The following CASTOR2 variants were observed in gnomAD, a reference collection of about 807,000 sequenced individuals.
The protein encoded by CASTOR2 is GATS protein like 2.
In CASTOR2, 8 loss-of-function variants were observed where a neutral mutation model predicts 31.2. The ratio of observed to expected loss-of-function variants is 0.26; its 90% CI spans 0.15 to 0.46. CASTOR2 has a LOEUF of 0.46. Among genes scored for constraint, CASTOR2 ranks in the 20% least tolerant of loss-of-function variants. CASTOR2 has a pLI of 0.99. For missense variants in CASTOR2, 216 were observed against 382.1 expected (o/e 0.57, Z 3.62); for synonymous variants, 162 against 158.7 (o/e 1.02, Z -0.16).
intron 1 of CASTOR2, 106 bp from the exon 2 acceptor site, chr7:75,007,888 G>A (rs1230105381): frequency 3.6e-5 from 56 of 1,551,464 alleles, no homozygotes; most frequent in Middle Eastern, 1.7e-4. Context: ...GCCTGGGGCC[G>A]GAACTCTGGG....
chr7:75,017,447 C>G, intron 2 of CASTOR2, 151 bp from the exon 3 acceptor site: 2 of 820,468 alleles, frequency 2.4e-6, no homozygotes, highest in African/African-American at 1.8e-5. Flanking sequence ...AAGACTGTCT[C>G]AAAAAAAAAA....
Position 75,025,797 on chromosome 7 carries a change from A to T in CASTOR2, c.*1098A>T, listed in dbSNP as rs1375331429. Among the ~76,000 whole-genome samples the T allele has an allele frequency of 3.3e-5, 5 of 152,178 alleles. No individual in the cohort carries two copies. The highest frequency in any genetic ancestry group is 1.3e-4 in the Admixed American group (2 of 15,280). ...TGGCGGTAGTTTCTGTTTGGCAGGG[A>T]TAGGACCTGTTTGAGTTCTGTCAAG... On this transcript the variant is annotated 3_prime_UTR_variant, in exon 9 of 9. Coordinates refer to ENST00000616305, the MANE Select transcript of CASTOR2 (RefSeq NM_001145064.3).
chr7:75,023,471 T>C (rs1248636760), intron 7 of CASTOR2, among the ~76,000 whole-genome samples: 1 of 26,516 alleles, frequency 3.8e-5, no homozygotes, highest in African/African-American at 1.1e-4. Context: ...TTTCTTTTTG[T>C]TTTTTGTTTT....
At position 75,026,756 on chromosome 7, in the gene CASTOR2, G is replaced by C. The variant is rs1284453457; in HGVS notation, c.*2057G>C. ...AAGGGAGGTGGCCAAGTGGGGCAGGGCTGTGGTGGAAGCCCTGAGTCCCCT... is the reference window on the plus strand; with the variant it reads ...AAGGGAGGTGGCCAAGTGGGGCAGGCCTGTGGTGGAAGCCCTGAGTCCCCT... On this transcript the variant is annotated 3_prime_UTR_variant, in exon 9 of 9. Transcript: ENST00000616305. Among the ~76,000 whole-genome samples the C allele has an allele frequency of 6.6e-6, 1 of 152,108 alleles. No individual in the cohort carries two copies. The highest frequency in any genetic ancestry group is 2.4e-5 in the African/African-American group (1 of 41,418).
At chr7:74,996,451 G>A (rs1341495540) in intron 1 of CASTOR2, among the ~76,000 whole-genome samples, 1 of 152,010 alleles carries the variant, frequency 6.6e-6, no homozygotes, top group African/African-American at 2.4e-5. Context: ...AATTCATAGT[G>A]TCAGGGCAGG....
chr7:75,014,771 C>A (rs1200242041), intron 2 of CASTOR2, among the ~76,000 whole-genome samples: 2 of 152,172 alleles, frequency 1.3e-5, no homozygotes, highest in African/African-American at 4.8e-5. Context: ...TGGTCTCAGG[C>A]CTGGGCTTCT....
rs1805186185 is a variant in CASTOR2, at chr7:75,028,024, G to A, written c.*3325G>A. 2.4e-5 allele frequency: 37 copies of A among 1,534,940 alleles called. No homozygotes were observed. The highest frequency in any genetic ancestry group is 1.8e-4 in the South Asian group (15 of 84,014). ...CTTACCTGTTTGCCGTCCATCCCCC[G>A]GAGGTAATCAGAGGAGTGGGCCTGT... On this transcript the variant is annotated 3_prime_UTR_variant, in exon 9 of 9. Transcript: ENST00000616305.
intron 1 of CASTOR2, among the ~76,000 whole-genome samples, chr7:74,998,584 C>T (rs1554438127): frequency 4.7e-5 from 6 of 128,624 alleles, no homozygotes; most frequent in African/African-American, 1.7e-4. Context: ...GCCTGGGCGA[C>T]AGTGAGACTC....
Position 75,013,728 on chromosome 7 carries a change from G to A in CASTOR2, c.185-3870G>A, listed in dbSNP as rs1460446922. Among the ~76,000 whole-genome samples the A allele has an allele frequency of 4.6e-5, 7 of 152,070 alleles. No homozygotes were observed. In the South Asian group the frequency reaches 1.0e-3, roughly 23 times the overall value. Reference sequence around the variant, plus strand: ...GAGGGGTTGTATATGTGTATATTCCGATTTTTTACGTGTGTGTGTGACTGA... The same window carrying A: ...GAGGGGTTGTATATGTGTATATTCCAATTTTTTACGTGTGTGTGTGACTGA... On this transcript the variant is annotated intron_variant, in intron 2 of 8. Coordinates refer to ENST00000616305, the MANE Select transcript of CASTOR2 (RefSeq NM_001145064.3).
chr7:74,972,924 C>T (rs148935738), intron 1 of CASTOR2, among the ~76,000 whole-genome samples: 1,998 of 147,976 alleles, frequency 0.014, 87 homozygotes, highest in African/African-American at 0.039. Context: ...GTGATCTGCC[C>T]GTCTGGGCCT....
chr7:75,025,313 C>A lies in CASTOR2; in HGVS notation c.*614C>A, dbSNP rs1016249470. ...GGACCCAGACTCCCCCTGTACCTCGCCTGCCAACCACAGGGCCTGGGCCCG... is the reference window on the plus strand; with the variant it reads ...GGACCCAGACTCCCCCTGTACCTCGACTGCCAACCACAGGGCCTGGGCCCG... On this transcript the variant is annotated 3_prime_UTR_variant, in exon 9 of 9. Coordinates refer to ENST00000616305, the MANE Select transcript of CASTOR2 (RefSeq NM_001145064.3). 3.7e-4 allele frequency among the ~76,000 whole-genome samples: 56 copies of A among 152,344 alleles called. No homozygotes were observed. Among genetic ancestry groups the A allele is most frequent in the African/African-American group, 1.3e-3 (52 of 41,582 alleles).
rs1238152753 is a variant in CASTOR2, at chr7:75,026,307, G to A, written c.*1608G>A. Among the ~76,000 whole-genome samples the A allele has an allele frequency of 4.6e-5, 7 of 150,884 alleles. No homozygotes were observed. Among genetic ancestry groups the A allele is most frequent in the African/African-American group, 1.5e-4 (6 of 41,000 alleles). On this transcript the variant is annotated 3_prime_UTR_variant, in exon 9 of 9. Coordinates refer to ENST00000616305, the MANE Select transcript of CASTOR2 (RefSeq NM_001145064.3). ...CAGGTTCAAGTGATTCTCCTGCCTCGGCCTCCCAAGTAGCTGGGATTACAG... is the reference window on the plus strand; with the variant it reads ...CAGGTTCAAGTGATTCTCCTGCCTCAGCCTCCCAAGTAGCTGGGATTACAG...
At chr7:75,024,289 CA>C (rs1176761716) in intron 7 of CASTOR2, 150 bp from the exon 8 acceptor site, 82 of 843,922 alleles carry the variant, frequency 9.7e-5, no homozygotes, top group Non-Finnish European at 1.4e-4. Flanking sequence ...GACTCCATCT[CA>C]AAAAAAATAA....
chr7:75,024,367 T>A, intron 7 of CASTOR2, 73 bp from the exon 8 acceptor site: 2 of 1,438,780 alleles, frequency 1.4e-6, no homozygotes, highest in Non-Finnish European at 1.9e-6. Flanking sequence ...CCACAGAGGG[T>A]AGAGGCTGAA....
At chr7:75,008,141 G>C (rs1804646081) in intron 2 of CASTOR2, 77 bp downstream of exon 2, 3 of 1,473,690 alleles carry the variant, frequency 2.0e-6, no homozygotes. Flanking sequence ...CCTTATTTCT[G>C]TCCCCCGCCC....
Position 75,027,913 on chromosome 7 carries a change from G to T in CASTOR2, c.*3214G>T. ...CCCCCAGCTATCTCCTGGTCTGCTG[G>T]GTGGGAGGGTCTCTCCAGGCCCCAG... On this transcript the variant is annotated 3_prime_UTR_variant, in exon 9 of 9. Coordinates refer to ENST00000616305, the MANE Select transcript of CASTOR2 (RefSeq NM_001145064.3). 1.8e-6 allele frequency: 2 copies of T among 1,122,554 alleles called. No homozygotes were observed. Among genetic ancestry groups the T allele is most frequent in the Non-Finnish European group, 2.6e-6 (2 of 772,224 alleles). The allele number at this position is 1,122,554 out of a possible 1,614,324, so 69.5% of individuals were successfully genotyped here.
At chr7:74,996,714 G>GGTTT (rs1804356173) in intron 1 of CASTOR2, among the ~76,000 whole-genome samples, 1 of 44,066 alleles carries the variant, frequency 2.3e-5, no homozygotes, top group Non-Finnish European at 4.8e-5. Flanking sequence ...CATGCCTGGT[G>GGTTT]CTTTTTTTTT....
At chr7:74,972,410 C>G (rs1803696625) in intron 1 of CASTOR2, among the ~76,000 whole-genome samples, 1 of 151,018 alleles carries the variant, frequency 6.6e-6, no homozygotes, top group Non-Finnish European at 1.5e-5. Flanking sequence ...TGTGAGCCAC[C>G]ATGCTCAGCC....
intron 1 of CASTOR2, among the ~76,000 whole-genome samples, chr7:74,993,697 C>T (rs1335274922): frequency 8.6e-5 from 13 of 151,778 alleles, no homozygotes; most frequent in Non-Finnish European, 1.5e-4. Flanking sequence ...GTGATCCACC[C>T]GCCTCTGCCT....
Sources: gnomAD v4.1 joint callset for allele counts (sites outside exome capture counted in the v4.1 genomes callset) on GRCh38, gnomAD v4.1.1 for gene constraint, MANE v1.5 for transcripts, NCBI Gene and HGNC (gene_info 2026-07-23, HGNC 2026-07-21) for gene names.